CEP112: variants seen among roughly 807,000 people sequenced by gnomAD.
CEP112 encodes the protein centrosomal protein 112.
CEP112 carries 127 observed loss-of-function variants against 153.0 expected under a neutral mutation model. The observed-to-expected ratio is 0.83, with a 90% CI of 0.72 to 0.96. The LOEUF is 0.96. CEP112 is among the 40% of genes least tolerant of loss of function. CEP112 has a pLI of 0.00. For synonymous variants in CEP112, 358 were observed against 374.4 expected, an observed-to-expected ratio of 0.96 and a Z score of 0.51; for missense variants, 1,089 against 1,101.2, an observed-to-expected ratio of 0.99 and a Z score of 0.16.
intron 24 of CEP112, among the ~76,000 whole-genome samples, chr17:65,667,850 G>A (rs2046772940): frequency 6.6e-6 from 1 of 151,380 alleles, no homozygotes; most frequent in Admixed American, 6.6e-5. Context: ...ACCTGCAGCA[G>A]CCACTGTGCT....
chr17:65,833,082 A>T (rs1194715902), intron 21 of CEP112, among the ~76,000 whole-genome samples: 1 of 152,182 alleles, frequency 6.6e-6, no homozygotes, highest in Admixed American at 6.5e-5. Flanking sequence ...AATTCATCAC[A>T]TAAACAGAAC....
chr17:66,133,976 T>C (rs1213380550), intron 4 of CEP112, among the ~76,000 whole-genome samples: 1 of 152,102 alleles, frequency 6.6e-6, no homozygotes, highest in African/African-American at 2.4e-5. Context: ...ATCCAAATAG[T>C]TAAAATCAAA....
intron 5 of CEP112, among the ~76,000 whole-genome samples, chr17:66,131,344 T>C (rs918523438): frequency 6.6e-6 from 1 of 152,246 alleles, no homozygotes; most frequent in South Asian, 2.1e-4. Flanking sequence ...ATAATGATTG[T>C]AGTTTATCAC....
intron 23 of CEP112, among the ~76,000 whole-genome samples, chr17:65,724,034 A>G (rs1352823259): frequency 6.6e-6 from 1 of 150,722 alleles, no homozygotes; most frequent in African/African-American, 2.4e-5. Context: ...TAAAAGCTGA[A>G]GGGTTCTGCT....
chr17:66,165,335 G>T (rs982791813), intron 4 of CEP112, among the ~76,000 whole-genome samples: 1 of 152,136 alleles, frequency 6.6e-6, no homozygotes, highest in Non-Finnish European at 1.5e-5. Flanking sequence ...CAATAGTCAC[G>T]TTTACTGGTG....
chr17:65,746,035 C>A (rs755024253), intron 22 of CEP112, among the ~76,000 whole-genome samples: 3 of 151,808 alleles, frequency 2.0e-5, no homozygotes, highest in Admixed American at 6.6e-5. Context: ...TGTGGTGACA[C>A]ATGCCTGTAA....
chr17:66,077,233 A>C (rs892638709), intron 8 of CEP112, among the ~76,000 whole-genome samples: 1 of 152,174 alleles, frequency 6.6e-6, no homozygotes, highest in Non-Finnish European at 1.5e-5. Context: ...AGAATTCAGG[A>C]GGTTACTTAT....
intron 21 of CEP112, among the ~76,000 whole-genome samples, chr17:65,805,907 G>A (rs2055570957): frequency 6.6e-6 from 1 of 152,072 alleles, no homozygotes; most frequent in Admixed American, 6.6e-5. Flanking sequence ...TGTTTCAAAT[G>A]TTTACCAGTT....
rs16962764 is a variant in CEP112, at chr17:65,749,010, T to C, written c.2457+1652A>G. On this transcript the variant is annotated intron_variant, in intron 22 of 26. Coordinates refer to ENST00000535342, the MANE Select transcript of CEP112 (RefSeq NM_001199165.4). ...GGATTTTTAATGTTTTAATTTAAAC[T>C]TTAACTTTTGGCCTAAATAGATTTC... 5.7e-3 allele frequency among the ~76,000 whole-genome samples: 869 copies of C among 152,332 alleles called. 8 individuals carry two copies. Among genetic ancestry groups the C allele is most frequent in the African/African-American group, 0.02 (835 of 41,558 alleles).
rs141957422 is a variant in CEP112 at position 66,017,506 on chromosome 17, A to G, written c.1656+9995T>C. 5.1e-3 allele frequency among the ~76,000 whole-genome samples: 771 copies of G among 152,318 alleles called. 7 individuals are homozygous for G. The highest frequency in any genetic ancestry group is 0.018 in the African/African-American group (736 of 41,568). ...TATCTAGCCCATACTCCAATAGTCA[A>G]TAAGTATTGTTTTAAATTTGTTTTT... On this transcript the variant is annotated intron_variant, in intron 16 of 26. Coordinates refer to ENST00000535342, the MANE Select transcript of CEP112 (RefSeq NM_001199165.4).
intron 24 of CEP112, among the ~76,000 whole-genome samples, chr17:65,660,707 G>A (rs566375204): frequency 5.3e-4 from 47 of 89,322 alleles, no homozygotes; most frequent in African/African-American, 3.4e-3. Context: ...ACCATGCCTT[G>A]CTAATTTTTG....
At chr17:66,042,365 AAAT>A (rs1051067422) in intron 12 of CEP112, among the ~76,000 whole-genome samples, 2 of 152,056 alleles carry the variant, frequency 1.3e-5, no homozygotes, top group Non-Finnish European at 2.9e-5. Flanking sequence ...TAAAATAATA[AAAT>A]AATAATAATA....
intron 21 of CEP112, among the ~76,000 whole-genome samples, chr17:65,787,312 C>A (rs955688985): frequency 6.6e-6 from 1 of 152,106 alleles, no homozygotes; most frequent in Non-Finnish European, 1.5e-5. Flanking sequence ...AGACCCCCAT[C>A]TCTACAAAAA....
intron 8 of CEP112, among the ~76,000 whole-genome samples, chr17:66,077,393 T>C (rs1250425411): frequency 6.6e-6 from 1 of 152,138 alleles, no homozygotes; most frequent in Non-Finnish European, 1.5e-5. Context: ...TGGACACACT[T>C]AGAGAAATGC....
At position 66,150,624 on chromosome 17, in the gene CEP112, C is replaced by T. The variant is rs568169543; in HGVS notation, c.471-17861G>A. On this transcript the variant is annotated intron_variant, in intron 4 of 26. Coordinates refer to ENST00000535342, the MANE Select transcript of CEP112 (RefSeq NM_001199165.4). The stretch of plus-strand genomic sequence containing the variant: ...ACCTTCTGTCATTTGTTCTATCCGG[C>T]GTATTGAAGTTCCCCACACTGGAGT... Among the ~76,000 whole-genome samples, 11 of 152,228 alleles carry T rather than the reference C, an allele frequency of 7.2e-5. 1 individual carries two copies. The highest frequency in any genetic ancestry group is 1.5e-4 in the Non-Finnish European group (10 of 68,020).
chr17:65,796,869 CAAAAAAA>C (rs1220753944), intron 21 of CEP112, among the ~76,000 whole-genome samples: 1 of 40,578 alleles, frequency 2.5e-5, no homozygotes, highest in South Asian at 1.0e-3. Context: ...CCCATCTCTA[CAAAAAAA>C]AAAAAAAAAA....
intron 19 of CEP112, among the ~76,000 whole-genome samples, chr17:65,918,636 C>A (rs1449568150): frequency 6.6e-6 from 1 of 152,064 alleles, no homozygotes; most frequent in Non-Finnish European, 1.5e-5. Flanking sequence ...TCCAGGAAGT[C>A]CTAGCATGCC....
At chr17:65,697,752 T>C (rs2048426723) in intron 23 of CEP112, among the ~76,000 whole-genome samples, 1 of 152,214 alleles carries the variant, frequency 6.6e-6, no homozygotes, top group Non-Finnish European at 1.5e-5. Flanking sequence ...CAAAAGTAAC[T>C]AGTCTTCTTC....
intron 22 of CEP112, 53 bp from the exon 23 acceptor site, chr17:65,743,270 A>AT: frequency 7.1e-7 from 1 of 1,407,626 alleles, no homozygotes; most frequent in Non-Finnish European, 9.7e-7. Flanking sequence ...AGAGGCATCT[A>AT]TTTTATATGT....
Sources: allele counts gnomAD v4.1 joint callset (sites outside exome capture counted in the v4.1 genomes callset), GRCh38; gene constraint gnomAD v4.1.1; transcripts MANE v1.5; gene names NCBI Gene and HGNC (gene_info 2026-07-23, HGNC 2026-07-21).